Variants in SHANK2 observed in about 807,000 individuals in gnomAD.
The protein encoded by SHANK2 is SH3 and multiple ankyrin repeat domains protein 2.
Under a neutral mutation model 133.7 loss-of-function variants are expected in SHANK2, and 43 were observed. The observed-to-expected ratio is 0.32, with a 90% CI of 0.25 to 0.41. The LOEUF (loss-of-function observed/expected upper bound fraction) is 0.41. Among genes scored for constraint, SHANK2 ranks in the 10% least tolerant of loss-of-function variants. The pLI is 1.00. For missense variants in SHANK2, 1,994 were observed against 2,235.8 expected (o/e 0.89, Z 2.18); for synonymous variants, 1,017 against 952.8 (o/e 1.07, Z -1.24).
rs782801958 is a variant in SHANK2 at position 70,676,686 on chromosome 11, A to T, written c.1854-15008T>A. ...GAGTGAGGGGGCAGGGTAGTTATTA[A>T]TTAGAAGATACGGGCAAAACACTGG... On this transcript the variant is annotated intron_variant, in intron 15 of 25. Transcript: ENST00000601538. Among the ~76,000 whole-genome samples, 6 of 152,310 alleles carry T rather than the reference A, an allele frequency of 3.9e-5. No homozygotes were observed. The South Asian group carries it at 1.2e-3, about 32-fold the overall frequency.
rs1952833984 is a variant in SHANK2 at position 71,153,279 on chromosome 11, T to A, written c.-12-5941A>T. On this transcript the variant is annotated intron_variant, in intron 2 of 25. Coordinates refer to ENST00000601538, the MANE Select transcript of SHANK2 (RefSeq NM_012309.5). ...GGGCAACCGTTTTCTGTGTAACTAA[T>A]CTCTCGGGCGGGTCGGGGGCGGGGG... Among the ~76,000 whole-genome samples the A allele has an allele frequency of 6.7e-5, 8 of 118,530 alleles. No homozygotes were observed. In the Admixed American group the frequency reaches 8.7e-4, roughly 13 times the overall value. The allele number at this position is 118,530 out of a possible 152,430, so 77.8% of individuals were successfully genotyped here. A position where few individuals can be genotyped will look rare whatever the true frequency, so the allele number is the denominator to read the frequency against.
At chr11:70,539,374 AGAAC>A (rs2059584580) in intron 17 of SHANK2, among the ~76,000 whole-genome samples, 1 of 152,242 alleles carries the variant, frequency 6.6e-6, no homozygotes, top group Non-Finnish European at 1.5e-5. Flanking sequence ...AGAACATTTT[AGAAC>A]ATTCCATCCC....
At chr11:70,881,912 A>T (rs1199307597) in intron 11 of SHANK2, among the ~76,000 whole-genome samples, 1 of 151,734 alleles carries the variant, frequency 6.6e-6, no homozygotes, top group East Asian at 1.9e-4. Flanking sequence ...GGGTCTTGCT[A>T]AGTTGCCCAG....
intron 2 of SHANK2, among the ~76,000 whole-genome samples, chr11:71,150,754 T>C (rs1952780850): frequency 6.6e-6 from 1 of 151,972 alleles, no homozygotes; most frequent in Non-Finnish European, 1.5e-5. Flanking sequence ...ATGGATATCC[T>C]GGGGACTCTC....
intron 14 of SHANK2, among the ~76,000 whole-genome samples, chr11:70,773,560 G>T (rs1049073120): frequency 6.6e-6 from 1 of 152,216 alleles, no homozygotes; most frequent in Non-Finnish European, 1.5e-5. Context: ...GACTATGAAC[G>T]TGGGATAGAC....
chr11:71,158,233 AT>A, intron 2 of SHANK2, among the ~76,000 whole-genome samples: 1 of 152,358 alleles, frequency 6.6e-6, no homozygotes, highest in East Asian at 1.9e-4. Context: ...AAATTAAATA[AT>A]GTGTAACCAT....
intron 15 of SHANK2, among the ~76,000 whole-genome samples, chr11:70,664,728 G>A (rs1277333187): frequency 6.6e-6 from 1 of 152,208 alleles, no homozygotes; most frequent in Non-Finnish European, 1.5e-5. Flanking sequence ...TTAGGGCCAG[G>A]GGGGCTGCCC....
chr11:70,693,027 G>C (rs1759373674), intron 15 of SHANK2, among the ~76,000 whole-genome samples: 1 of 152,146 alleles, frequency 6.6e-6, no homozygotes, highest in South Asian at 2.1e-4. Flanking sequence ...GAGAAGGTGA[G>C]AACTAAGTCC....
At chr11:70,833,419 G>A (rs1483456343) in intron 11 of SHANK2, among the ~76,000 whole-genome samples, 4 of 152,356 alleles carry the variant, frequency 2.6e-5, no homozygotes, top group South Asian at 2.1e-4. Context: ...GACCCTGACC[G>A]GTAGAGCCCG....
intron 10 of SHANK2, chr11:70,908,101 A>G (rs782691655): frequency 2.6e-5 from 7 of 264,486 alleles, no homozygotes; most frequent in South Asian, 2.6e-4. Context: ...ATCTCAAAAA[A>G]AAAGAAAAAA....
chr11:71,070,446 T>A (rs1360016923), intron 9 of SHANK2, among the ~76,000 whole-genome samples: 2 of 152,176 alleles, frequency 1.3e-5, no homozygotes, highest in Non-Finnish European at 2.9e-5. Context: ...AGCTAATGCA[T>A]TTCTACCCAG....
chr11:70,610,656 G>C (rs1453237815), intron 17 of SHANK2, among the ~76,000 whole-genome samples: 1 of 152,228 alleles, frequency 6.6e-6, no homozygotes, highest in African/African-American at 2.4e-5. Context: ...CTGCTGATCG[G>C]CTCCAGCGGA....
intron 3 of SHANK2, among the ~76,000 whole-genome samples, chr11:71,141,050 G>T (rs1205284937): frequency 6.6e-6 from 1 of 152,236 alleles, no homozygotes; most frequent in Non-Finnish European, 1.5e-5. Flanking sequence ...TCTGTAAAGT[G>T]GGATTAAGCA....
rs984816911 is a variant in SHANK2 at position 70,882,675 on chromosome 11, C to T, written c.1174+13826G>A. Reference sequence around the variant, plus strand: ...CCAGGAGCACAGGGGTGAGGGGTGGCGGTGCAGGGAGAGGACGGTGATCCC... The same window carrying T: ...CCAGGAGCACAGGGGTGAGGGGTGGTGGTGCAGGGAGAGGACGGTGATCCC... On this transcript the variant is annotated intron_variant, in intron 11 of 25. Transcript: ENST00000601538. The surrounding 1 kb of genome is among the most constrained non-coding windows in gnomAD (Gnocchi z 4.2). 2.0e-5 allele frequency among the ~76,000 whole-genome samples: 3 copies of T among 152,086 alleles called. No individual in the cohort carries two copies. Among genetic ancestry groups the T allele is most frequent in the African/African-American group, 2.4e-5 (1 of 41,394 alleles).
chr11:70,504,713 C>T (rs556906217), intron 17 of SHANK2, among the ~76,000 whole-genome samples: 22 of 152,242 alleles, frequency 1.4e-4, no homozygotes, highest in African/African-American at 5.3e-4. Context: ...CTGTTCCTTT[C>T]ACTGAGGTTC....
intron 17 of SHANK2, among the ~76,000 whole-genome samples, chr11:70,511,696 T>G (rs563815361): frequency 2.6e-5 from 4 of 152,202 alleles, no homozygotes; most frequent in Non-Finnish European, 5.9e-5. Context: ...TGCCTGTCCA[T>G]GCATCACCCT....
intron 2 of SHANK2, among the ~76,000 whole-genome samples, chr11:71,196,527 A>G (rs1310725944): frequency 1.3e-5 from 2 of 151,714 alleles, no homozygotes; most frequent in African/African-American, 2.4e-5. Flanking sequence ...CTCATGATCC[A>G]CCCATCTCGG....
chr11:70,676,742 G>A (rs1221925482), intron 15 of SHANK2, among the ~76,000 whole-genome samples: 3 of 152,146 alleles, frequency 2.0e-5, no homozygotes, highest in African/African-American at 7.2e-5. Context: ...AGAGGTCTCC[G>A]AGTTATATTC....
At chr11:70,503,880 C>A (rs765970783) in intron 17 of SHANK2, among the ~76,000 whole-genome samples, 1 of 152,236 alleles carries the variant, frequency 6.6e-6, no homozygotes, top group Non-Finnish European at 1.5e-5. Context: ...TGACACTGCC[C>A]ACCCTGGCTA....
Sources: allele counts gnomAD v4.1 joint callset (sites outside exome capture counted in the v4.1 genomes callset), GRCh38; gene constraint gnomAD v4.1.1; non-coding constraint Gnocchi (gnomAD v3.1); transcripts MANE v1.5; gene names NCBI Gene and HGNC (gene_info 2026-07-23, HGNC 2026-07-21).